SDK1: variants seen among roughly 807,000 people sequenced by gnomAD.
SDK1 encodes the protein sidekick cell adhesion molecule 1, also known as protein sidekick-1.
In SDK1, 157 loss-of-function variants were observed where a neutral mutation model predicts 245.5. The observed-to-expected ratio is 0.64, with a 90% confidence interval of 0.56 to 0.73. The LOEUF is 0.73. Ranked by LOEUF, SDK1 falls within the 30% of genes least tolerant of loss-of-function variation. The pLI is 0.00. For missense variants in SDK1, 3,583 were observed against 3,002.3 expected (o/e 1.19, Z -4.52); for synonymous variants, 1,647 against 1,278.5 (o/e 1.29, Z -6.15).
At chr7:3,803,596 C>T (rs1394482891) in intron 4 of SDK1, among the ~76,000 whole-genome samples, 6 of 152,062 alleles carry the variant, frequency 3.9e-5, no homozygotes, top group African/African-American at 1.4e-4. Context: ...CAGGCTTGAG[C>T]CACTGCGCCT....
rs139367291 is a variant in SDK1 at position 3,594,772 on chromosome 7, T to C, written c.299-24308T>C. The stretch of plus-strand genomic sequence containing the variant: ...TTGTAAGAAAAATTGCTTACTGTTT[T>C]AGAGATAATACTGATATAAGAACCA... On this transcript the variant is annotated intron_variant, in intron 1 of 44. Transcript: ENST00000404826. 3.4e-3 allele frequency among the ~76,000 whole-genome samples: 511 copies of C among 152,326 alleles called. 1 individual carries two copies. Among genetic ancestry groups the C allele is most frequent in the Non-Finnish European group, 5.6e-3 (379 of 68,034 alleles).
intron 1 of SDK1, among the ~76,000 whole-genome samples, chr7:3,494,965 G>A (rs1250434357): frequency 6.6e-6 from 1 of 152,048 alleles, no homozygotes; most frequent in African/African-American, 2.4e-5. Flanking sequence ...ATTTCTTATG[G>A]GTTAACAGTT....
chr7:3,504,733 A>G lies in SDK1; in HGVS notation c.299-114347A>G, dbSNP rs141119163. On this transcript the variant is annotated intron_variant, in intron 1 of 44. Coordinates refer to ENST00000404826, the MANE Select transcript of SDK1 (RefSeq NM_152744.4). ...GAGTAAATCTTCATTACCTTGGGTT[A>G]GGCAGTTGTTTCTTAGACATTACAC... 5.9e-3 allele frequency among the ~76,000 whole-genome samples: 896 copies of G among 152,090 alleles called. 14 individuals carry two copies. Among genetic ancestry groups the G allele is most frequent in the African/African-American group, 0.02 (846 of 41,490 alleles).
At chr7:3,313,396 A>T (rs1250316429) in intron 1 of SDK1, among the ~76,000 whole-genome samples, 1 of 152,102 alleles carries the variant, frequency 6.6e-6, no homozygotes, top group Non-Finnish European at 1.5e-5. Flanking sequence ...ACGGAGCGAG[A>T]CTCCATCTCA....
intron 1 of SDK1, among the ~76,000 whole-genome samples, chr7:3,473,666 C>T (rs1327912089): frequency 1.4e-5 from 2 of 140,326 alleles, no homozygotes; most frequent in Non-Finnish European, 1.6e-5. Flanking sequence ...GGTACTAATA[C>T]ATCTTGAATT....
chr7:3,692,858 A>G (rs1784472821), intron 4 of SDK1, among the ~76,000 whole-genome samples: 1 of 152,176 alleles, frequency 6.6e-6, no homozygotes, highest in South Asian at 2.1e-4. Flanking sequence ...GGCACCATCG[A>G]GTATTGCACT....
At chr7:4,222,860 A>G (rs1436609817) in intron 40 of SDK1, among the ~76,000 whole-genome samples, 1 of 152,066 alleles carries the variant, frequency 6.6e-6, no homozygotes, top group Non-Finnish European at 1.5e-5. Flanking sequence ...CCCTTTGCTA[A>G]TGACTTTGAT....
rs371415919 is a variant in SDK1 at position 4,175,867 on chromosome 7, C to T, written c.4996+33C>T. The T allele has an allele frequency of 9.2e-4, 1,461 of 1,589,588 alleles. 2 individuals are homozygous for T. Among genetic ancestry groups the T allele is most frequent in the Non-Finnish European group, 1.2e-3 (1,355 of 1,161,370 alleles). Reference sequence around the variant, plus strand: ...CGCTCTCAGCGGGAGGCCCATGCCGCGAGGCGCACACACTGTGCCCAGAGC... The same window carrying T: ...CGCTCTCAGCGGGAGGCCCATGCCGTGAGGCGCACACACTGTGCCCAGAGC... On this transcript the variant is annotated intron_variant, in intron 34 of 44. Coordinates refer to ENST00000404826, the MANE Select transcript of SDK1 (RefSeq NM_152744.4).
chr7:3,583,856 G>C (rs888180297), intron 1 of SDK1, among the ~76,000 whole-genome samples: 36 of 152,060 alleles, frequency 2.4e-4, no homozygotes, highest in African/African-American at 6.8e-4. Context: ...TTCAAGTGGA[G>C]GGAACAATAA....
rs558897916 is a variant in SDK1 at position 3,575,437 on chromosome 7, T to C, written c.299-43643T>C. Among the ~76,000 whole-genome samples, 42 of 152,106 alleles carry C rather than the reference T, an allele frequency of 2.8e-4. 2 individuals are homozygous for C. Among genetic ancestry groups the C allele is most frequent in the Non-Finnish European group, 2.2e-4 (15 of 67,948 alleles). ...GGTTAGGGCATCAAACGAATGAATT[T>C]TGGGGGGACACAAACATCAGTCCCT... On this transcript the variant is annotated intron_variant, in intron 1 of 44. Coordinates refer to ENST00000404826, the MANE Select transcript of SDK1 (RefSeq NM_152744.4).
At chr7:3,951,648 C>T in intron 6 of SDK1, 82 bp from the exon 7 acceptor site, 1 of 1,293,032 alleles carries the variant, frequency 7.7e-7, no homozygotes, top group Non-Finnish European at 1.1e-6. Context: ...CTTCGTCAAG[C>T]CTGTGCCGAG....
chr7:3,769,457 A>G (rs10235176), intron 4 of SDK1, among the ~76,000 whole-genome samples: 4,750 of 152,242 alleles, frequency 0.031, 220 homozygotes, highest in African/African-American at 0.11. Flanking sequence ...CCACTCATTA[A>G]TATATTAATC....
At chr7:3,811,868 A>G (rs946906834) in intron 4 of SDK1, among the ~76,000 whole-genome samples, 13 of 152,172 alleles carry the variant, frequency 8.5e-5, no homozygotes, top group African/African-American at 3.1e-4. Context: ...TGCTAATGTG[A>G]TATCCCATCA....
intron 4 of SDK1, among the ~76,000 whole-genome samples, chr7:3,663,964 T>C (rs1409412957): frequency 6.6e-6 from 1 of 152,216 alleles, no homozygotes; most frequent in African/African-American, 2.4e-5. Context: ...GCTAGGCTTA[T>C]AAATTTGAGA....
At chr7:3,701,701 G>A (rs1784744199) in intron 4 of SDK1, among the ~76,000 whole-genome samples, 1 of 152,102 alleles carries the variant, frequency 6.6e-6, no homozygotes, top group South Asian at 2.1e-4. Context: ...AGGTACAAAG[G>A]ATCACTCTAT....
At chr7:3,676,463 C>T (rs923807976) in intron 4 of SDK1, among the ~76,000 whole-genome samples, 2 of 151,910 alleles carry the variant, frequency 1.3e-5, no homozygotes, top group Non-Finnish European at 2.9e-5. Context: ...GTAGCTGGGA[C>T]TACAGGCGCC....
At position 4,245,850 on chromosome 7, in the gene SDK1, C is replaced by T. The variant is rs537420022; in HGVS notation, c.6381+45C>T. 858 of 1,609,108 alleles carry T rather than the reference C, an allele frequency of 5.3e-4. 12 individuals carry two copies. In the South Asian group the frequency reaches 8.7e-3, roughly 16 times the overall value. On this transcript the variant is annotated intron_variant, in intron 44 of 44. Coordinates refer to ENST00000404826, the MANE Select transcript of SDK1 (RefSeq NM_152744.4). ...TCCGGGCAGTGACCATCAGCCCCTA[C>T]TTCTGCAGTGAGACTTCTGCCCCCT...
intron 5 of SDK1, among the ~76,000 whole-genome samples, chr7:3,826,798 T>C (rs1034062905): frequency 6.6e-6 from 1 of 152,166 alleles, no homozygotes; most frequent in Non-Finnish European, 1.5e-5. Flanking sequence ...AAACTTAGTT[T>C]CCTTCTTGGG....
chr7:3,847,079 T>G (rs897723142), intron 5 of SDK1, among the ~76,000 whole-genome samples: 21 of 152,196 alleles, frequency 1.4e-4, no homozygotes, highest in African/African-American at 4.1e-4. Flanking sequence ...GCTTTCCCAT[T>G]AAGCATTGTT....
Sources: gnomAD v4.1 joint callset for allele counts (sites outside exome capture counted in the v4.1 genomes callset) on GRCh38, gnomAD v4.1.1 for gene constraint, MANE v1.5 for transcripts, NCBI Gene and HGNC (gene_info 2026-07-23, HGNC 2026-07-21) for gene names.